ADGRG7: variants seen among roughly 807,000 people sequenced by gnomAD.
ADGRG7 encodes G-protein coupled receptor 128.
Under a neutral mutation model 88.6 loss-of-function variants are expected in ADGRG7, and 82 were observed. The ratio of observed to expected loss-of-function variants is 0.93; its 90% CI spans 0.77 to 1.11. The LOEUF is 1.11. Among genes scored for constraint, ADGRG7 ranks in the 50% most tolerant of loss-of-function variants. The pLI is 0.00. For synonymous variants in ADGRG7, 381 were observed against 345.2 expected, an observed-to-expected ratio of 1.10 and a Z score of -1.15; for missense variants, 945 against 953.4, an observed-to-expected ratio of 0.99 and a Z score of 0.12.
intron 1 of ADGRG7, among the ~76,000 whole-genome samples, chr3:100,628,935 C>T (rs1041098061): frequency 3.3e-5 from 5 of 152,054 alleles, no homozygotes; most frequent in Admixed American, 2.6e-4. Flanking sequence ...GTTTTATGAC[C>T]CCTCTAAGGT....
chr3:100,643,063 T>A (rs970801039), intron 6 of ADGRG7, among the ~76,000 whole-genome samples: 3 of 152,348 alleles, frequency 2.0e-5, no homozygotes, highest in Admixed American at 2.0e-4. Flanking sequence ...CAGTGAGGAC[T>A]GTCCACCAGA....
At chr3:100,643,669 A>T in intron 8 of ADGRG7, 36 bp downstream of exon 8, 1 of 1,375,578 alleles carries the variant, frequency 7.3e-7, no homozygotes, top group South Asian at 1.2e-5. Flanking sequence ...AAAAAAATGG[A>T]CTCGAATTCA....
rs952897943 is a variant in ADGRG7 at position 100,609,632 on chromosome 3, G to A, written c.-225G>A. ...TTCATGTTCTCCTTGAGTGAAGGAT[G>A]AGGAAATTGAAAGCAGAGTATGCAC... On this transcript the variant is annotated 5_prime_UTR_variant, in exon 1 of 16. An upstream start codon of the reference 5' UTR is lost. Coordinates refer to ENST00000273352, the MANE Select transcript of ADGRG7 (RefSeq NM_032787.3). 2.5e-5 allele frequency: 10 copies of A among 406,596 alleles called. No individual in the cohort carries two copies. Among genetic ancestry groups the A allele is most frequent in the Non-Finnish European group, 4.7e-5 (10 of 214,510 alleles). The allele number at this position is 406,596 out of a possible 1,614,324, so 25.2% of individuals were successfully genotyped here.
At chr3:100,689,050 T>A (rs1216641681) in intron 15 of ADGRG7, among the ~76,000 whole-genome samples, 1 of 152,242 alleles carries the variant, frequency 6.6e-6, no homozygotes, top group African/African-American at 2.4e-5. Context: ...GCTTTGTGAA[T>A]CTGGGTGCTC....
chr3:100,686,531 C>A (rs1248273603), intron 15 of ADGRG7, among the ~76,000 whole-genome samples: 1 of 152,136 alleles, frequency 6.6e-6, no homozygotes, highest in Non-Finnish European at 1.5e-5. Context: ...AGTATTTAAT[C>A]CATCTTGAAT....
chr3:100,626,372 T>TA (rs1372197509), intron 1 of ADGRG7, among the ~76,000 whole-genome samples: 1 of 152,210 alleles, frequency 6.6e-6, no homozygotes. Context: ...TTAATTTCTA[T>TA]AAAAAAACTT....
Position 100,649,742 on chromosome 3 carries a change from C to T in ADGRG7, c.1314C>T (p.Ser438=). The T allele has an allele frequency of 6.2e-7, 1 of 1,610,916 alleles. No homozygotes were observed. The highest frequency in any genetic ancestry group is 8.5e-7 in the Non-Finnish European group (1 of 1,177,736). The stretch of plus-strand genomic sequence containing the variant: ...ATCCCAAATCACTTGACATATTATC[C>T]AACGTTGGATGTGCACTGTCTGTTA... ...YQYPKSLDIL[S]NVGCALSVTG... Residue 438 remains serine, a synonymous_variant, in exon 11 of 16, where the codon TCC becomes TCT. Coordinates refer to ENST00000273352, the MANE Select transcript of ADGRG7 (RefSeq NM_032787.3).
At chr3:100,688,814 G>A (rs1176752720) in intron 15 of ADGRG7, among the ~76,000 whole-genome samples, 1 of 152,142 alleles carries the variant, frequency 6.6e-6, no homozygotes, top group South Asian at 2.1e-4. Context: ...GTCAATTTTG[G>A]AATAGGTGTG....
chr3:100,690,625 G>A (rs960414426), intron 15 of ADGRG7, among the ~76,000 whole-genome samples: 1 of 152,182 alleles, frequency 6.6e-6, no homozygotes, highest in Admixed American at 6.5e-5. Flanking sequence ...GAGTTTGCTG[G>A]AGGTCCACTC....
At chr3:100,676,393 T>C (rs989183898) in intron 15 of ADGRG7, among the ~76,000 whole-genome samples, 1 of 152,148 alleles carries the variant, frequency 6.6e-6, no homozygotes, top group Non-Finnish European at 1.5e-5. Flanking sequence ...TTAATTTCTA[T>C]GTGTTTGTAT....
At chr3:100,665,860 G>T (rs1462309531) in intron 14 of ADGRG7, among the ~76,000 whole-genome samples, 3 of 152,130 alleles carry the variant, frequency 2.0e-5, no homozygotes, top group Non-Finnish European at 2.9e-5. Context: ...AATTAGCCTA[G>T]TTATAATGAC....
intron 13 of ADGRG7, 37 bp downstream of exon 13, chr3:100,656,032 C>T (rs951782188): frequency 2.3e-6 from 3 of 1,289,642 alleles, no homozygotes; most frequent in Admixed American, 1.7e-5. Context: ...AATTGTTTGA[C>T]CTAAAAGTGT....
intron 6 of ADGRG7, among the ~76,000 whole-genome samples, chr3:100,638,699 T>C (rs1443749168): frequency 6.6e-6 from 1 of 152,132 alleles, no homozygotes; most frequent in Non-Finnish European, 1.5e-5. Context: ...CCTCCCTTTC[T>C]GACCAACACT....
rs748385132 is a variant in ADGRG7 at position 100,694,814 on chromosome 3, T to C, written c.2207T>C (p.Met736Thr). Residue 736 changes from methionine (M) to threonine (T), a missense_variant, in exon 16 of 16, where the codon ATG (methionine) becomes ACG (threonine). Coordinates refer to ENST00000273352, the MANE Select transcript of ADGRG7 (RefSeq NM_032787.3). ...VFQSEASKVL[M>T]LLSSIGRRKS... ...CAGAGTGAAGCTTCCAAAGTGTTGA[T>C]GTTGCTATCGTCTATTGGGAGAAGG... 26 of 1,614,064 alleles carry C rather than the reference T, an allele frequency of 1.6e-5. No individual in the cohort carries two copies. The highest frequency in any genetic ancestry group is 2.2e-5 in the Non-Finnish European group (26 of 1,180,006).
intron 15 of ADGRG7, among the ~76,000 whole-genome samples, chr3:100,672,579 C>T (rs1163786218): frequency 6.6e-6 from 1 of 152,158 alleles, no homozygotes; most frequent in Non-Finnish European, 1.5e-5. Context: ...CTGGTCAGAA[C>T]TTTCAATATT....
intron 1 of ADGRG7, among the ~76,000 whole-genome samples, chr3:100,616,262 A>G (rs996251229): frequency 1.3e-5 from 2 of 152,184 alleles, no homozygotes; most frequent in Non-Finnish European, 2.9e-5. Flanking sequence ...TTACATGCGA[A>G]CCATGATGCT....
Position 100,695,045 on chromosome 3 carries a change from G to T in ADGRG7, c.*44G>T. ...TGTGGTCTTTTTAATCACCTCGTTT[G>T]AGTTTTATCTGTTTCTCTCCTTTAT... On this transcript the variant is annotated 3_prime_UTR_variant, in exon 16 of 16. Transcript: ENST00000273352. 1 of 1,577,516 alleles carries T rather than the reference G, an allele frequency of 6.3e-7. No individual in the cohort carries two copies. The highest frequency in any genetic ancestry group is 1.2e-5 in the South Asian group (1 of 86,640).
intron 15 of ADGRG7, among the ~76,000 whole-genome samples, chr3:100,686,568 G>A (rs1415595119): frequency 2.0e-5 from 3 of 152,098 alleles, no homozygotes; most frequent in South Asian, 4.1e-4. Context: ...TATAAGGAAG[G>A]GATCCAGTTT....
intron 11 of ADGRG7, among the ~76,000 whole-genome samples, chr3:100,651,561 A>G (rs959776076): frequency 1.3e-5 from 2 of 152,322 alleles, no homozygotes; most frequent in East Asian, 3.9e-4. Context: ...ATAAAAATAA[A>G]CACCAGGCAT....
Sources: allele counts gnomAD v4.1 joint callset (sites outside exome capture counted in the v4.1 genomes callset), GRCh38; gene constraint gnomAD v4.1.1; transcripts MANE v1.5; gene names NCBI Gene and HGNC (gene_info 2026-07-23, HGNC 2026-07-21).